The following LGR6 variants were observed in gnomAD, a reference collection of about 807,000 sequenced individuals.
LGR6 encodes the protein leucine rich repeat containing G protein-coupled receptor 6.
LGR6 carries 45 observed loss-of-function variants against 69.4 expected under a neutral mutation model. The ratio of observed to expected loss-of-function variants is 0.65; its 90% CI spans 0.51 to 0.83. The LOEUF (loss-of-function observed/expected upper bound fraction) is 0.83. Ranked by LOEUF, LGR6 falls within the 40% of genes least tolerant of loss-of-function variation. The pLI is 0.00. For missense variants in LGR6, 1,108 were observed against 1,246.7 expected (o/e 0.89, Z 1.68); for synonymous variants, 538 against 555.0 (o/e 0.97, Z 0.43).
At chr1:202,301,280 T>G in intron 9 of LGR6, 45 bp downstream of exon 9, 1 of 1,497,988 alleles carries the variant, frequency 6.7e-7, no homozygotes, top group Non-Finnish European at 9.3e-7. Flanking sequence ...CTTCCCCCTT[T>G]CCTCACTCCT....
Position 202,307,314 on chromosome 1 carries a change from C to G in LGR6, c.1209-16C>G. The G allele has an allele frequency of 1.2e-6, 2 of 1,613,612 alleles. No individual in the cohort carries two copies. Among genetic ancestry groups the G allele is most frequent in the South Asian group, 2.2e-5 (2 of 91,066 alleles). ...CATGTTACTGTCCCCTCCTGTCACA[C>G]CCTCTCTGCCTGCAGGGATCTTAGC... On this transcript the variant is annotated splice_polypyrimidine_tract_variant and intron_variant, in intron 13 of 17. Coordinates refer to ENST00000367278, the MANE Select transcript of LGR6 (RefSeq NM_001017403.2).
At chr1:202,303,698 A>C (rs1016900585) in intron 10 of LGR6, among the ~76,000 whole-genome samples, 1 of 152,232 alleles carries the variant, frequency 6.6e-6, no homozygotes, top group Non-Finnish European at 1.5e-5. Flanking sequence ...GCTTGATTCC[A>C]ACAAAGACGT....
At position 202,276,104 on chromosome 1, in the gene LGR6, C is replaced by T. The variant is rs142543120; in HGVS notation, c.429-202C>T. Among the ~76,000 whole-genome samples, 23 of 151,854 alleles carry T rather than the reference C, an allele frequency of 1.5e-4. No individual in the cohort carries two copies. The East Asian group carries it at 3.9e-3, about 26-fold the overall frequency. Reference sequence around the variant, plus strand: ...GCGAGACTCTGTCTCCCAACAACAACAAAAAAAGAACTATGGGTTGGAATG... The same window carrying T: ...GCGAGACTCTGTCTCCCAACAACAATAAAAAAAGAACTATGGGTTGGAATG... On this transcript the variant is annotated intron_variant, in intron 4 of 17. Transcript: ENST00000367278.
At chr1:202,242,624 A>C (rs749361069) in intron 4 of LGR6, among the ~76,000 whole-genome samples, 1 of 152,222 alleles carries the variant, frequency 6.6e-6, no homozygotes, top group African/African-American at 2.4e-5. Context: ...TGCAATGGAA[A>C]GTATCTTTTT....
intron 6 of LGR6, among the ~76,000 whole-genome samples, chr1:202,292,429 T>C (rs767009312): frequency 6.6e-6 from 1 of 152,210 alleles, no homozygotes; most frequent in South Asian, 2.1e-4. Flanking sequence ...TTCTGGATCA[T>C]GTAACAGTCT....
chr1:202,211,771 C>T (rs1659471468), intron 1 of LGR6, among the ~76,000 whole-genome samples: 1 of 152,142 alleles, frequency 6.6e-6, no homozygotes, highest in Non-Finnish European at 1.5e-5. Context: ...GTAACCAGCA[C>T]CTGGACCAAG....
chr1:202,280,684 T>C (rs1665933116), intron 5 of LGR6, 97 bp from the exon 6 acceptor site: 4 of 1,069,718 alleles, frequency 3.7e-6, no homozygotes, highest in Non-Finnish European at 5.8e-6. Flanking sequence ...CTGTCCATGC[T>C]TCTGCCTACA....
chr1:202,237,563 G>C (rs1425975837), intron 4 of LGR6, among the ~76,000 whole-genome samples: 1 of 152,170 alleles, frequency 6.6e-6, no homozygotes, highest in Non-Finnish European at 1.5e-5. Context: ...AGTTCTTGGG[G>C]CTTCTAAAGG....
At position 202,280,347 on chromosome 1, in the gene LGR6, G is replaced by A. The variant is rs141066476; in HGVS notation, c.645-434G>A. Among the ~76,000 whole-genome samples, 40 of 152,160 alleles carry A rather than the reference G, an allele frequency of 2.6e-4. No homozygotes were observed. In the East Asian group the frequency reaches 6.2e-3, roughly 24 times the overall value. ...CTCTCCAGTTGTAACAGAAAGCTTC[G>A]CCTTTAATTATATGTTGACTGCAGT... On this transcript the variant is annotated intron_variant, in intron 5 of 17. Transcript: ENST00000367278.
intron 4 of LGR6, among the ~76,000 whole-genome samples, chr1:202,260,345 A>C (rs987921586): frequency 1.3e-5 from 2 of 150,684 alleles, no homozygotes; most frequent in Non-Finnish European, 1.5e-5. Flanking sequence ...GGACTATTTT[A>C]TTTTTTCAGA....
chr1:202,267,189 C>T (rs1664737752), intron 4 of LGR6, among the ~76,000 whole-genome samples: 3 of 152,206 alleles, frequency 2.0e-5, no homozygotes, highest in Admixed American at 6.5e-5. Flanking sequence ...ACAGTGTTGT[C>T]TTAGAGGATA....
intron 1 of LGR6, among the ~76,000 whole-genome samples, chr1:202,205,458 C>T (rs947301973): frequency 6.2e-5 from 3 of 48,436 alleles, no homozygotes; most frequent in East Asian, 7.7e-4. Flanking sequence ...ACACACACAC[C>T]TCCAAACACA....
intron 16 of LGR6, among the ~76,000 whole-genome samples, chr1:202,310,931 A>G (rs558104595): frequency 1.5e-4 from 23 of 152,154 alleles, no homozygotes; most frequent in Non-Finnish European, 2.8e-4. Context: ...AGAGACCTTC[A>G]CTGAGAAGGG....
chr1:202,215,016 T>TGC (rs976553464), intron 1 of LGR6, among the ~76,000 whole-genome samples: 9 of 148,566 alleles, frequency 6.1e-5, no homozygotes, highest in African/African-American at 1.0e-4. Flanking sequence ...TGTGTGTGTG[T>TGC]GTGTGCGCGC....
chr1:202,317,323 ATG>A (rs1654220036), intron 17 of LGR6, among the ~76,000 whole-genome samples: 1 of 146,196 alleles, frequency 6.8e-6, no homozygotes, highest in African/African-American at 2.5e-5. Context: ...AATTTGTACC[ATG>A]TGTGTGTTTT....
At chr1:202,306,640 T>C (rs1445757763) in intron 12 of LGR6, 2 of 575,986 alleles carry the variant, frequency 3.5e-6, no homozygotes, top group Non-Finnish European at 6.2e-6. Flanking sequence ...CTGACTCCCT[T>C]TTGGGCCACA....
At position 202,230,065 on chromosome 1, in the gene LGR6, C is replaced by T. The variant is rs79681205; in HGVS notation, c.356+2058C>T. Among the ~76,000 whole-genome samples the T allele has an allele frequency of 2.4e-3, 364 of 152,236 alleles. 2 individuals carry two copies. The highest frequency in any genetic ancestry group is 4.0e-3 in the Non-Finnish European group (273 of 68,018). On this transcript the variant is annotated intron_variant, in intron 3 of 17. Transcript: ENST00000367278. ...CCAGGAGACAGTCACCTTAGCTACT[C>T]CCCAGTCTTCTCTGGGCCTGGGACC...
rs190860140 is a variant in LGR6 at position 202,237,526 on chromosome 1, A to T, written c.428+1533A>T. 1.2e-3 allele frequency among the ~76,000 whole-genome samples: 184 copies of T among 152,140 alleles called. 3 individuals are homozygous for T. The East Asian group carries it at 0.021, about 18-fold the overall frequency. ...GGTTGTTAATTAAGTTTACTTTTTT[A>T]AAAAAAATCGTGAATCACATATTCT... On this transcript the variant is annotated intron_variant, in intron 4 of 17. Transcript: ENST00000367278.
At chr1:202,264,065 G>A (rs1273191675) in intron 4 of LGR6, among the ~76,000 whole-genome samples, 1 of 152,058 alleles carries the variant, frequency 6.6e-6, no homozygotes, top group African/African-American at 2.4e-5. Context: ...AGGGATGTGG[G>A]GCCAGGAAAT....
Sources: allele counts gnomAD v4.1 joint callset (sites outside exome capture counted in the v4.1 genomes callset), GRCh38; gene constraint gnomAD v4.1.1; transcripts MANE v1.5; gene names NCBI Gene and HGNC (gene_info 2026-07-23, HGNC 2026-07-21).